Variants in MARCHF6 observed in about 807,000 individuals in gnomAD.
MARCHF6 encodes the protein membrane associated ring-CH-type finger 6, also known as E3 ubiquitin-protein ligase MARCHF6.
MARCHF6 carries 31 observed loss-of-function variants against 133.7 expected under a neutral mutation model. The ratio of observed to expected loss-of-function variants is 0.23; its 90% CI spans 0.17 to 0.31. The LOEUF (loss-of-function observed/expected upper bound fraction) is 0.31, where lower values mean the gene tolerates loss of function less well. Ranked by LOEUF, MARCHF6 falls within the 10% of genes least tolerant of loss-of-function variation. MARCHF6 has a pLI of 1.00. For missense variants in MARCHF6, 723 were observed against 1,121.6 expected, an observed-to-expected ratio of 0.64 and a Z score of 5.08; for synonymous variants, 395 against 402.5, an observed-to-expected ratio of 0.98 and a Z score of 0.22.
chr5:10,415,730 C>T lies in MARCHF6; in HGVS notation c.2148+61C>T, dbSNP rs567395821. 2.0e-4 allele frequency: 283 copies of T among 1,410,650 alleles called. 4 individuals carry two copies. In the South Asian group the frequency reaches 4.1e-3, roughly 21 times the overall value. 87.4% of individuals were successfully genotyped at this position (1,410,650 alleles called of 1,614,324 possible). On this transcript the variant is annotated intron_variant, in intron 21 of 25. Transcript: ENST00000274140. ...TAGGAATAGTGAATATTTTTCCAGT[C>T]ATCTTAAATTTTTTTTTTTGGCACA...
chr5:10,402,180 T>C, intron 12 of MARCHF6, 41 bp downstream of exon 12: 2 of 1,293,028 alleles, frequency 1.5e-6, no homozygotes, highest in Non-Finnish European at 1.1e-6. Flanking sequence ...ACTAATATTA[T>C]TCATACCAAA....
At chr5:10,359,892 G>T (rs1344554863) in intron 1 of MARCHF6, among the ~76,000 whole-genome samples, 1 of 152,022 alleles carries the variant, frequency 6.6e-6, no homozygotes, top group South Asian at 2.1e-4. Context: ...TGTAATCCCA[G>T]CTCCTTGGGA....
rs984528968 is a variant in MARCHF6, at chr5:10,420,788, C to T, written c.2284-2947C>T. On this transcript the variant is annotated intron_variant, in intron 22 of 25. Coordinates refer to ENST00000274140, the MANE Select transcript of MARCHF6 (RefSeq NM_005885.4). ...CCAAACATTCCCCTTTACTGGCTAA[C>T]ATGATTGGTTACTGCCTCATTACCA... 2.0e-5 allele frequency among the ~76,000 whole-genome samples: 3 copies of T among 152,216 alleles called. 1 individual carries two copies. The South Asian group carries it at 6.2e-4, about 32-fold the overall frequency.
intron 1 of MARCHF6, among the ~76,000 whole-genome samples, chr5:10,357,641 CTTT>C (rs1378830373): frequency 6.6e-6 from 1 of 152,134 alleles, no homozygotes; most frequent in African/African-American, 2.4e-5. Flanking sequence ...ACACAGTCTT[CTTT>C]GTTTCCAGAG....
At chr5:10,375,554 G>A (rs529037686) in intron 1 of MARCHF6, among the ~76,000 whole-genome samples, 16 of 152,366 alleles carry the variant, frequency 1.1e-4, no homozygotes, top group Non-Finnish European at 5.9e-5. Context: ...CGCATGGCGC[G>A]GGACTGGCAG....
At chr5:10,362,713 G>T (rs1735900142) in intron 1 of MARCHF6, among the ~76,000 whole-genome samples, 1 of 152,144 alleles carries the variant, frequency 6.6e-6, no homozygotes, top group Non-Finnish European at 1.5e-5. Context: ...CTTGAAAAGG[G>T]ATGAATATTT....
chr5:10,360,114 T>C (rs1049188505), intron 1 of MARCHF6, among the ~76,000 whole-genome samples: 2 of 152,062 alleles, frequency 1.3e-5, no homozygotes, highest in Middle Eastern at 3.4e-3. Context: ...ATTAGTAGTT[T>C]TTCGGGAGTC....
chr5:10,375,263 G>A (rs1372970522), intron 1 of MARCHF6, among the ~76,000 whole-genome samples: 1 of 152,244 alleles, frequency 6.6e-6, no homozygotes, highest in Non-Finnish European at 1.5e-5. Flanking sequence ...CAGCCGGCCG[G>A]CCCTGCCGGC....
In MARCHF6 at chr5:10,435,668, TATATATATATATATATATATATATATATA is replaced by T. The variant is rs1561159500; in HGVS notation, c.*1985_*2013del. The T allele has an allele frequency of 0.022, 284 of 12,722 alleles. 3 individuals are homozygous for T. The highest frequency in any genetic ancestry group is 0.034 in the Non-Finnish European group (203 of 5,928). The allele number at this position is 12,722 out of a possible 1,614,324, so 0.8% of individuals were successfully genotyped here. ...ATATATATATATATATATATATATA[TATATATATATATATATATATATATATATA>T]TTTTTTTTTTTTTTTTTTTTTTTTT... On this transcript the variant is annotated 3_prime_UTR_variant, in exon 26 of 26. Transcript: ENST00000274140.
chr5:10,357,993 A>G (rs370782267), intron 1 of MARCHF6, among the ~76,000 whole-genome samples: 8 of 115,218 alleles, frequency 6.9e-5, no homozygotes, highest in African/African-American at 1.4e-4. Context: ...TTTGAGACGG[A>G]GTCTTGCTCT....
At chr5:10,401,961 C>A in intron 11 of MARCHF6, 98 bp from the exon 12 acceptor site, 1 of 747,438 alleles carries the variant, frequency 1.3e-6, no homozygotes, top group Non-Finnish European at 2.3e-6. Flanking sequence ...ATTGTCTCAA[C>A]AATTCTCTTT....
intron 4 of MARCHF6, among the ~76,000 whole-genome samples, chr5:10,385,789 TCA>T (rs898602374): frequency 2.0e-5 from 3 of 152,208 alleles, no homozygotes; most frequent in African/African-American, 7.2e-5. Flanking sequence ...TGTAAAGCAT[TCA>T]CAGTCATAGT....
At chr5:10,409,435 G>T (rs1226913075) in intron 17 of MARCHF6, among the ~76,000 whole-genome samples, 1 of 152,186 alleles carries the variant, frequency 6.6e-6, no homozygotes, top group African/African-American at 2.4e-5. Flanking sequence ...AGGTGCAGTG[G>T]CACCCAGGTC....
intron 24 of MARCHF6, among the ~76,000 whole-genome samples, chr5:10,428,635 C>T (rs1379508703): frequency 1.3e-5 from 2 of 152,154 alleles, no homozygotes; most frequent in African/African-American, 2.4e-5. Context: ...AGCTACCACA[C>T]CCAGCGCATT....
intron 22 of MARCHF6, among the ~76,000 whole-genome samples, chr5:10,421,346 G>A (rs1246463448): frequency 6.6e-6 from 1 of 152,190 alleles, no homozygotes; most frequent in African/African-American, 2.4e-5. Flanking sequence ...ATGAAGTAGA[G>A]ATATTTGTTT....
At chr5:10,430,094 T>G in intron 25 of MARCHF6, 66 bp downstream of exon 25, 1 of 1,525,780 alleles carries the variant, frequency 6.6e-7, no homozygotes, top group Non-Finnish European at 9.0e-7. Context: ...GTATCTGATG[T>G]GACAAATCAT....
intron 1 of MARCHF6, among the ~76,000 whole-genome samples, chr5:10,355,360 C>G (rs901098290): frequency 6.6e-6 from 1 of 152,146 alleles, no homozygotes; most frequent in Non-Finnish European, 1.5e-5. Flanking sequence ...ATGAGTAAAT[C>G]TAGTAAGGCA....
At chr5:10,410,006 G>C in intron 17 of MARCHF6, 133 bp from the exon 18 acceptor site, 1 of 958,066 alleles carries the variant, frequency 1.0e-6, no homozygotes. Context: ...GCCTCACTGA[G>C]TTGGAGAGAG....
intron 18 of MARCHF6, among the ~76,000 whole-genome samples, chr5:10,410,776 A>G (rs1739183983): frequency 1.3e-5 from 2 of 152,294 alleles, no homozygotes; most frequent in African/African-American, 4.8e-5. Context: ...GGTGAAGTAC[A>G]GATTTGGTTA....
Sources: gnomAD v4.1 joint callset for allele counts (sites outside exome capture counted in the v4.1 genomes callset) on GRCh38, gnomAD v4.1.1 for gene constraint, MANE v1.5 for transcripts, NCBI Gene and HGNC (gene_info 2026-07-23, HGNC 2026-07-21) for gene names.